TIMP2: variants seen among roughly 807,000 people sequenced by gnomAD.
The protein encoded by TIMP2 is TIMP metallopeptidase inhibitor 2.
Under a neutral mutation model 24.3 loss-of-function variants are expected in TIMP2, and 5 were observed. The ratio of observed to expected loss-of-function variants is 0.21; its 90% CI spans 0.11 to 0.43. The LOEUF (loss-of-function observed/expected upper bound fraction) is 0.43. Ranked by LOEUF, TIMP2 falls within the 20% of genes least tolerant of loss-of-function variation. The pLI is 1.00. For missense variants in TIMP2, 221 were observed against 297.5 expected (o/e 0.74, Z 1.89); for synonymous variants, 130 against 123.2 (o/e 1.06, Z -0.37).
intron 1 of TIMP2, chr17:78,900,021 C>G (rs796757968): frequency 1.3e-5 from 2 of 152,120 alleles, no homozygotes; most frequent in African/African-American, 4.8e-5. Context: ...AAGGCGCCTA[C>G]GTAGAATATG....
chr17:78,921,927 CA>C (rs1208990656), intron 1 of TIMP2, among the ~76,000 whole-genome samples: 3 of 152,238 alleles, frequency 2.0e-5, no homozygotes, highest in African/African-American at 7.2e-5. Flanking sequence ...CTCTTGTAGA[CA>C]CCAAGCCATT....
Position 78,893,198 on chromosome 17 carries a change from A to G in TIMP2, c.131-19279T>C, listed in dbSNP as rs559347541. Among the ~76,000 whole-genome samples, 780 of 78,004 alleles carry G rather than the reference A, an allele frequency of 1.0e-2. 6 individuals are homozygous for G. The highest frequency in any genetic ancestry group is 0.041 in the African/African-American group (718 of 17,726). The allele number at this position is 78,004 out of a possible 152,430, so 51.2% of individuals were successfully genotyped here. A position where few individuals can be genotyped will look rare whatever the true frequency, so the allele number is the denominator to read the frequency against. ...ACATGTGTGTGCAGGGGTGTGTGCA[A>G]GGATGTGTGTGCATGTGTGTGCAGG... On this transcript the variant is annotated intron_variant, in intron 1 of 4. Coordinates refer to ENST00000262768, the MANE Select transcript of TIMP2 (RefSeq NM_003255.5).
Position 78,925,110 on chromosome 17 carries a change from G to T in TIMP2, c.-22C>A. On this transcript the variant is annotated 5_prime_UTR_variant, in exon 1 of 5. Coordinates refer to ENST00000262768, the MANE Select transcript of TIMP2 (RefSeq NM_003255.5). The stretch of plus-strand genomic sequence containing the variant: ...CCATGGCGGGCCGGGGGGCTGGGCG[G>T]GCGGGGGCCGCCGCTGGGGGGTCCG... The T allele has an allele frequency of 3.3e-6, 3 of 903,844 alleles. No individual in the cohort carries two copies. Among genetic ancestry groups the T allele is most frequent in the South Asian group, 4.9e-5 (1 of 20,310 alleles). The allele number at this position is 903,844 out of a possible 1,614,324, so 56.0% of individuals were successfully genotyped here.
In TIMP2 at chr17:78,891,854, A is replaced by G. The variant is rs1568000042; in HGVS notation, c.131-17935T>C. 7 of 1,550,680 alleles carry G rather than the reference A, an allele frequency of 4.5e-6. No individual in the cohort carries two copies. Among genetic ancestry groups the G allele is most frequent in the African/African-American group, 1.4e-5 (1 of 73,170 alleles). On this transcript the variant is annotated intron_variant, in intron 1 of 4. Coordinates refer to ENST00000262768, the MANE Select transcript of TIMP2 (RefSeq NM_003255.5). This position sits in a 1 kb window ranked among gnomAD's most constrained non-coding sequence, Gnocchi z 4.5. Reference sequence around the variant, plus strand: ...TCCCTTTCTCTTCTCAGGCGGGGCCAGGTGAGAATTCATCCGACCCGTGGC... The same window carrying G: ...TCCCTTTCTCTTCTCAGGCGGGGCCGGGTGAGAATTCATCCGACCCGTGGC...
chr17:78,917,316 G>A (rs2070268651), intron 1 of TIMP2, among the ~76,000 whole-genome samples: 3 of 149,176 alleles, frequency 2.0e-5, no homozygotes, highest in African/African-American at 5.0e-5. Context: ...TGTAATCCCA[G>A]CTACTCGGGA....
At chr17:78,870,175 G>C (rs977143017) in intron 3 of TIMP2, among the ~76,000 whole-genome samples, 14 of 152,220 alleles carry the variant, frequency 9.2e-5, no homozygotes, top group Admixed American at 2.0e-4. Flanking sequence ...TGCCACTTTG[G>C]GAGGCCGAGG....
At chr17:78,871,260 T>G (rs1452662448) in intron 2 of TIMP2, among the ~76,000 whole-genome samples, 1 of 151,734 alleles carries the variant, frequency 6.6e-6, no homozygotes, top group African/African-American at 2.4e-5. Context: ...GAGACCAGCC[T>G]GGCCAACGTA....
chr17:78,881,381 CAT>C (rs1239985046), intron 1 of TIMP2, among the ~76,000 whole-genome samples: 1 of 152,236 alleles, frequency 6.6e-6, no homozygotes, highest in African/African-American at 2.4e-5. Context: ...GGGCTTCACA[CAT>C]GTGCCAAAGA....
rs1262109984 is a variant in TIMP2, at chr17:78,855,733, G to A, written c.597C>T (p.Gly199=). ...CCGCGCCGCGGTACCACGCACAGGAGCCGTCACTTCTCTTGATGCAGGCGA... is the reference window on the plus strand; with the variant it reads ...CCGCGCCGCGGTACCACGCACAGGAACCGTCACTTCTCTTGATGCAGGCGA... The part of the protein sequence containing the change: ...KFFACIKRSD[G]SCAWYRGAAP... The change falls in exon 5 of 5, where the codon GGC becomes GGT. Residue 199 remains glycine (G), a synonymous_variant. Transcript: ENST00000262768. This position sits in a 1 kb window ranked among gnomAD's most constrained non-coding sequence, Gnocchi z 6.0. 2 of 1,614,224 alleles carry A rather than the reference G, an allele frequency of 1.2e-6. No individual in the cohort carries two copies. Among genetic ancestry groups the A allele is most frequent in the South Asian group, 1.1e-5 (1 of 91,084 alleles).
chr17:78,885,623 C>T (rs1187565780), intron 1 of TIMP2, among the ~76,000 whole-genome samples: 1 of 152,038 alleles, frequency 6.6e-6, no homozygotes, highest in Non-Finnish European at 1.5e-5. Context: ...AGGCCCTGTG[C>T]ACTTGTGTCC....
chr17:78,881,003 G>A (rs977303145), intron 1 of TIMP2, among the ~76,000 whole-genome samples: 11 of 152,192 alleles, frequency 7.2e-5, no homozygotes, highest in African/African-American at 2.4e-4. Context: ...CTCAGGCAGC[G>A]GGAGAAGGTG....
chr17:78,909,093 A>G (rs1055815415), intron 1 of TIMP2, among the ~76,000 whole-genome samples: 1 of 152,188 alleles, frequency 6.6e-6, no homozygotes, highest in Admixed American at 6.5e-5. Flanking sequence ...CATGCCTGAA[A>G]TCTTAGCACT....
In TIMP2 at chr17:78,866,988, C is replaced by T. The variant is rs529685710; in HGVS notation, c.340+3910G>A. On this transcript the variant is annotated intron_variant, in intron 3 of 4. Coordinates refer to ENST00000262768, the MANE Select transcript of TIMP2 (RefSeq NM_003255.5). ...AAACCACTGAATTGTAGGCCGGGCG[C>T]GGTGGCTCACGCCTGTAATCCCAGC... Among the ~76,000 whole-genome samples, 6 of 152,244 alleles carry T rather than the reference C, an allele frequency of 3.9e-5. No homozygotes were observed. The South Asian group carries it at 8.3e-4, about 21-fold the overall frequency.
chr17:78,882,868 C>A (rs1197235700), intron 1 of TIMP2, among the ~76,000 whole-genome samples: 2 of 152,366 alleles, frequency 1.3e-5, no homozygotes, highest in East Asian at 3.9e-4. Context: ...CAGCCTCTGG[C>A]CTCAAGTGAC....
intron 4 of TIMP2, chr17:78,856,953 T>C (rs2069528736): frequency 6.5e-6 from 1 of 152,750 alleles, no homozygotes; most frequent in Admixed American, 6.5e-5. Flanking sequence ...GCTGAATTCA[T>C]GCTCTTACTC....
At chr17:78,877,695 T>TTTTC (rs757973051) in intron 1 of TIMP2, among the ~76,000 whole-genome samples, 2 of 151,662 alleles carry the variant, frequency 1.3e-5, no homozygotes, top group Admixed American at 6.6e-5. Flanking sequence ...GCTGCTTTTC[T>TTTTC]TTTCTTTCTT....
Position 78,891,922 on chromosome 17 carries a change from G to A in TIMP2, c.131-18003C>T. ...TCTCTGGACTCGCTGCTGTCTTCCGGGGCCTGGAGTGCCTGGGGTGTTGCT... is the reference window on the plus strand; with the variant it reads ...TCTCTGGACTCGCTGCTGTCTTCCGAGGCCTGGAGTGCCTGGGGTGTTGCT... On this transcript the variant is annotated intron_variant, in intron 1 of 4. Transcript: ENST00000262768. This position sits in a 1 kb window ranked among gnomAD's most constrained non-coding sequence, Gnocchi z 4.5. The A allele has an allele frequency of 6.4e-7, 1 of 1,550,576 alleles. No individual in the cohort carries two copies. The highest frequency in any genetic ancestry group is 8.7e-7 in the Non-Finnish European group (1 of 1,146,980).
intron 2 of TIMP2, 67 bp from the exon 3 acceptor site, chr17:78,871,073 T>C (rs2069678920): frequency 1.5e-6 from 2 of 1,366,002 alleles, no homozygotes; most frequent in Non-Finnish European, 2.1e-6. Flanking sequence ...TCCGTTCCCA[T>C]CCAGAACACC....
chr17:78,903,498 T>C (rs1367261195), intron 1 of TIMP2, among the ~76,000 whole-genome samples: 3 of 152,186 alleles, frequency 2.0e-5, no homozygotes, highest in Admixed American at 2.0e-4. Context: ...CTCTCTGAGC[T>C]GTCAGGCCAT....
Sources: allele counts gnomAD v4.1 joint callset (sites outside exome capture counted in the v4.1 genomes callset), GRCh38; gene constraint gnomAD v4.1.1; non-coding constraint Gnocchi (gnomAD v3.1); transcripts MANE v1.5; gene names NCBI Gene and HGNC (gene_info 2026-07-23, HGNC 2026-07-21).